EBPL: variants seen among roughly 807,000 people sequenced by gnomAD.
The protein encoded by EBPL is EBP like.
Under a neutral mutation model 19.0 loss-of-function variants are expected in EBPL, and 20 were observed. The observed-to-expected ratio is 1.05, with a 90% confidence interval of 0.74 to 1.53. The LOEUF is 1.53. EBPL is among the 40% of genes most tolerant of loss of function. EBPL has a pLI of 0.00. For synonymous variants in EBPL, 107 were observed against 117.0 expected (o/e 0.91, Z 0.55); for missense variants, 219 against 261.1 (o/e 0.84, Z 1.11).
intron 1 of EBPL, among the ~76,000 whole-genome samples, chr13:49,678,443 G>C (rs56006419): frequency 0.26 from 39,637 of 152,194 alleles, 5,627 homozygotes; most frequent in Non-Finnish European, 0.32. Flanking sequence ...TGCAAGTTCC[G>C]AGCCCTGCCC....
intron 1 of EBPL, among the ~76,000 whole-genome samples, chr13:49,678,331 C>T (rs1177806943): frequency 1.3e-5 from 2 of 152,226 alleles, no homozygotes; most frequent in Admixed American, 6.5e-5. Flanking sequence ...CGCCGCGCGC[C>T]GGCACTCCTC....
At chr13:49,681,092 T>C (rs900969317) in intron 1 of EBPL, among the ~76,000 whole-genome samples, 2 of 152,152 alleles carry the variant, frequency 1.3e-5, no homozygotes, top group Non-Finnish European at 2.9e-5. Context: ...ATGAGGAAAA[T>C]TTCATAATAC....
At chr13:49,671,455 T>C (rs974295654) in intron 1 of EBPL, among the ~76,000 whole-genome samples, 19 of 152,118 alleles carry the variant, frequency 1.2e-4, no homozygotes, top group Admixed American at 4.6e-4. Context: ...ATCATATCCC[T>C]TAAAGGACAT....
intron 1 of EBPL, among the ~76,000 whole-genome samples, chr13:49,683,128 C>T (rs1953959742): frequency 6.6e-6 from 1 of 152,088 alleles, no homozygotes; most frequent in South Asian, 2.1e-4. Context: ...TGTGCACTGC[C>T]ACGCCTGGCT....
rs138327644 is a variant in EBPL, at chr13:49,667,783, C to G, written c.241+1994G>C. ...TCCAGGCTCGTGCCACTGCACCCAG[C>G]TAGTTTTCACTTCTTTAAGGTGCAT... On this transcript the variant is annotated intron_variant, in intron 2 of 3. Transcript: ENST00000242827. Among the ~76,000 whole-genome samples the G allele has an allele frequency of 4.4e-3, 677 of 152,340 alleles. 6 individuals are homozygous for G. The highest frequency in any genetic ancestry group is 0.016 in the African/African-American group (653 of 41,572).
At chr13:49,665,075 GT>G (rs1369226719) in intron 2 of EBPL, among the ~76,000 whole-genome samples, 5 of 150,944 alleles carry the variant, frequency 3.3e-5, no homozygotes, top group African/African-American at 1.2e-4. Flanking sequence ...TAAGTAAAAT[GT>G]CAGTTCTTTA....
At chr13:49,677,804 C>T (rs1210547204) in intron 1 of EBPL, among the ~76,000 whole-genome samples, 1 of 152,172 alleles carries the variant, frequency 6.6e-6, no homozygotes, top group Admixed American at 6.5e-5. Flanking sequence ...TCAATGACTT[C>T]AAGAATGAAG....
Position 49,691,267 on chromosome 13 carries a change from A to G in EBPL, c.158T>C (p.Val53Ala), listed in dbSNP as rs778335286. Reference protein sequence around the residue: ...ALIWLCYDALVHFALEGPFVY... With the variant: ...ALIWLCYDALAHFALEGPFVY... ...GATGGCACTTACCAGCGCGAAGTGC[A>G]CCAGCGCGTCGTAGCAGAGCCAGAT... Residue 53 changes from valine (V) to alanine (A), a missense_variant, in exon 1 of 4, where the codon GTG becomes GCG. By Grantham distance (64) the Val-to-Ala change is moderately conservative. This residue lies in a region of EBPL where 170 missense variants were observed against 167.0 expected (regional missense o/e 1.02). Coordinates refer to ENST00000242827, the MANE Select transcript of EBPL (RefSeq NM_032565.5). 3.1e-5 allele frequency: 44 copies of G among 1,399,660 alleles called. No homozygotes were observed. In the South Asian group the frequency reaches 7.3e-4, roughly 23 times the overall value. The allele number at this position is 1,399,660 out of a possible 1,614,324, so 86.7% of individuals were successfully genotyped here. A position where few individuals can be genotyped will look rare whatever the true frequency, so the allele number is the denominator to read the frequency against.
At chr13:49,673,271 C>T (rs943139681) in intron 1 of EBPL, among the ~76,000 whole-genome samples, 1 of 152,134 alleles carries the variant, frequency 6.6e-6, no homozygotes, top group Non-Finnish European at 1.5e-5. Flanking sequence ...CCATACGACC[C>T]AGCAATTCCA....
At chr13:49,676,265 C>T (rs1193327751) in intron 1 of EBPL, among the ~76,000 whole-genome samples, 3 of 152,220 alleles carry the variant, frequency 2.0e-5, no homozygotes, top group African/African-American at 7.2e-5. Context: ...GCCCCCCTCC[C>T]CTGCTGCCTG....
At chr13:49,663,253 G>A (rs1965175962) in intron 2 of EBPL, 58 bp from the exon 3 acceptor site, 1 of 1,595,210 alleles carries the variant, frequency 6.3e-7, no homozygotes, top group South Asian at 1.1e-5. Context: ...ACAGTTCATG[G>A]AAATGACCTT....
chr13:49,691,473 G>T lies in EBPL; in HGVS notation c.-49C>A. ...GCCCAGGACCATGCGGCAGAGGAAA[G>T]CAGGGAGAGAAACGACGGGGCGGGG... is the stretch of plus-strand genomic sequence containing the variant. On this transcript the variant is annotated 5_prime_UTR_variant, in exon 1 of 4. Coordinates refer to ENST00000242827, the MANE Select transcript of EBPL (RefSeq NM_032565.5). 7.8e-7 allele frequency: 1 copy of T among 1,282,818 alleles called. No individual in the cohort carries two copies. Among genetic ancestry groups the T allele is most frequent in the Non-Finnish European group, 9.9e-7 (1 of 1,013,516 alleles). 79.5% of individuals were successfully genotyped at this position (1,282,818 alleles called of 1,614,324 possible).
chr13:49,678,103 T>C lies in EBPL; in HGVS notation c.172-8257A>G, dbSNP rs779917755. Reference sequence around the variant, plus strand: ...TCTGACCCCACCCACATCCTGCTGATTGGTCCATTTTACAGAGAGCTGATT... The same window carrying C: ...TCTGACCCCACCCACATCCTGCTGACTGGTCCATTTTACAGAGAGCTGATT... On this transcript the variant is annotated intron_variant, in intron 1 of 3. Transcript: ENST00000242827. Among the ~76,000 whole-genome samples, 163 of 152,326 alleles carry C rather than the reference T, an allele frequency of 1.1e-3. 1 individual carries two copies. Among genetic ancestry groups the C allele is most frequent in the Middle Eastern group, 6.8e-3 (2 of 294 alleles).
At chr13:49,665,406 G>C (rs1965211845) in intron 2 of EBPL, among the ~76,000 whole-genome samples, 1 of 152,230 alleles carries the variant, frequency 6.6e-6, no homozygotes, top group South Asian at 2.1e-4. Flanking sequence ...CAAGTAGCTA[G>C]GATTATAGGC....
intron 1 of EBPL, among the ~76,000 whole-genome samples, chr13:49,685,698 C>T (rs906509072): frequency 3.9e-4 from 59 of 152,024 alleles, no homozygotes; most frequent in Admixed American, 3.9e-3. Flanking sequence ...CATGGTGAAA[C>T]CGTGTCTCTA....
At chr13:49,669,414 C>T (rs756067309) in intron 2 of EBPL, among the ~76,000 whole-genome samples, 2 of 152,120 alleles carry the variant, frequency 1.3e-5, no homozygotes, top group Non-Finnish European at 2.9e-5. Flanking sequence ...GTTGCCCAGG[C>T]TCAAATATTG....
At position 49,662,322 on chromosome 13, in the gene EBPL, C is replaced by A. The variant is rs572403854; in HGVS notation, c.380+735G>T. Among the ~76,000 whole-genome samples, 21 of 152,234 alleles carry A rather than the reference C, an allele frequency of 1.4e-4. No homozygotes were observed. In the South Asian group the frequency reaches 4.4e-3, roughly 32 times the overall value. On this transcript the variant is annotated intron_variant, in intron 3 of 3. Transcript: ENST00000242827. Reference sequence around the variant, plus strand: ...CTCTGCACTCCGCCTGCCCCATATCCTTCACAATCTGCTTCTGAGAAGATT... The same window carrying A: ...CTCTGCACTCCGCCTGCCCCATATCATTCACAATCTGCTTCTGAGAAGATT...
chr13:49,671,044 G>A (rs1953810495), intron 1 of EBPL, among the ~76,000 whole-genome samples: 1 of 152,242 alleles, frequency 6.6e-6, no homozygotes, highest in South Asian at 2.1e-4. Context: ...TATGGAAACA[G>A]CGTTCACTGT....
At chr13:49,663,459 GC>G (rs926713990) in intron 2 of EBPL, among the ~76,000 whole-genome samples, 15 of 152,076 alleles carry the variant, frequency 9.9e-5, no homozygotes, top group Admixed American at 9.8e-4. Flanking sequence ...GCCCTCCTCA[GC>G]CCCACCCTCT....
Sources: allele counts gnomAD v4.1 joint callset (sites outside exome capture counted in the v4.1 genomes callset), GRCh38; gene constraint gnomAD v4.1.1; regional missense constraint gnomAD v4.1.1; transcripts MANE v1.5; gene names NCBI Gene and HGNC (gene_info 2026-07-23, HGNC 2026-07-21).